The following FGF14 variants were observed in gnomAD, a reference collection of about 807,000 sequenced individuals.
The protein encoded by FGF14 is fibroblast growth factor 14.
A neutral mutation model predicts 25.5 loss-of-function variants in FGF14; 5 were observed. That is an observed-to-expected ratio of 0.20 (90% CI 0.10 to 0.41). The LOEUF is 0.41. Among genes scored for constraint, FGF14 ranks in the 10% least tolerant of loss-of-function variants. The pLI, the probability that FGF14 is intolerant of heterozygous loss-of-function variation, is 1.00. For synonymous variants in FGF14, 138 were observed against 118.3 expected, an observed-to-expected ratio of 1.17 and a Z score of -1.08; for missense variants, 222 against 320.1, an observed-to-expected ratio of 0.69 and a Z score of 2.34.
chr13:101,868,583 C>CT lies in FGF14; in HGVS notation c.408+141dup, dbSNP rs200264738. On this transcript the variant is annotated intron_variant, in intron 3 of 4. Transcript: ENST00000376143. ...CTAAACACTGGTGAATAATAAACAG[C>CT]TTCTAAGCATTCTCGCAAAGATCAA... The CT allele has an allele frequency of 0.014, 9,591 of 709,010 alleles. 91 individuals are homozygous for CT. The highest frequency in any genetic ancestry group is 0.02 in the Non-Finnish European group (7,532 of 382,568). The allele number at this position is 709,010 out of a possible 1,614,324, so 43.9% of individuals were successfully genotyped here.
chr13:102,387,738 T>C (rs2058338468), intron 1 of FGF14, among the ~76,000 whole-genome samples: 1 of 151,986 alleles, frequency 6.6e-6, no homozygotes, highest in Non-Finnish European at 1.5e-5. Context: ...TTTGAGAGTT[T>C]TTGGGTTTTT....
At chr13:102,106,589 AGGGAG>A (rs2044928200) in intron 1 of FGF14, among the ~76,000 whole-genome samples, 2 of 111,258 alleles carry the variant, frequency 1.8e-5, no homozygotes, top group South Asian at 6.7e-4. Flanking sequence ...AGAGGGAGGG[AGGGAG>A]GGAGGGAGGG....
chr13:101,862,470 G>A (rs770092804), intron 3 of FGF14, among the ~76,000 whole-genome samples: 1 of 151,618 alleles, frequency 6.6e-6, no homozygotes, highest in Non-Finnish European at 1.5e-5. Context: ...ATTTATTTCT[G>A]TTATCTAGCT....
intron 1 of FGF14, among the ~76,000 whole-genome samples, chr13:102,144,840 A>G (rs1002816340): frequency 6.6e-6 from 1 of 152,212 alleles, no homozygotes; most frequent in African/African-American, 2.4e-5. Flanking sequence ...CTAAAAGAAC[A>G]TCACATAAAC....
intron 1 of FGF14, chr13:102,394,234 G>A (rs982927063): frequency 9.2e-5 from 14 of 152,438 alleles, no homozygotes; most frequent in African/African-American, 3.4e-4. Flanking sequence ...CGGGTCCAGA[G>A]CTGGCGCCCG....
chr13:102,207,672 C>G (rs1046675897), intron 1 of FGF14, among the ~76,000 whole-genome samples: 3 of 141,572 alleles, frequency 2.1e-5, no homozygotes, highest in Non-Finnish European at 4.6e-5. Flanking sequence ...CCTAGAAGGT[C>G]TTTCAAACAT....
At chr13:102,078,396 C>T (rs2140182446) in intron 1 of FGF14, among the ~76,000 whole-genome samples, 1 of 152,146 alleles carries the variant, frequency 6.6e-6, no homozygotes, top group Non-Finnish European at 1.5e-5. Context: ...TAAAAATATA[C>T]AGTTTTATTT....
intron 1 of FGF14, among the ~76,000 whole-genome samples, chr13:102,330,567 C>T (rs2056603178): frequency 6.6e-6 from 1 of 152,190 alleles, no homozygotes. Context: ...TATATTCTTG[C>T]TCCTTCCAGT....
At chr13:102,102,032 A>G (rs2044687849) in intron 1 of FGF14, among the ~76,000 whole-genome samples, 1 of 152,112 alleles carries the variant, frequency 6.6e-6, no homozygotes, top group Admixed American at 6.6e-5. Context: ...ACACCCTGCA[A>G]GAGAAGGAAG....
At chr13:102,189,009 AGAAAGAATGAAAG>A (rs1366647021) in intron 1 of FGF14, among the ~76,000 whole-genome samples, 4,142 of 82,524 alleles carry the variant, frequency 0.05, 242 homozygotes, top group Admixed American at 0.058. Flanking sequence ...AGAAAGAAAG[AGAAAGAATGAAAG>A]AAGAAAAGAA....
chr13:102,246,353 G>A (rs1182939666), intron 1 of FGF14, among the ~76,000 whole-genome samples: 1 of 152,068 alleles, frequency 6.6e-6, no homozygotes, highest in Non-Finnish European at 1.5e-5. Context: ...TAACAAAGGA[G>A]AGCAAGCAAT....
intron 1 of FGF14, among the ~76,000 whole-genome samples, chr13:101,987,352 G>C (rs536251649): frequency 1.3e-5 from 2 of 152,084 alleles, no homozygotes; most frequent in South Asian, 2.1e-4. Flanking sequence ...TCAGCAGCCT[G>C]CCTTTTTCCA....
At chr13:102,078,485 A>T (rs2043467401) in intron 1 of FGF14, among the ~76,000 whole-genome samples, 1 of 152,184 alleles carries the variant, frequency 6.6e-6, no homozygotes, top group African/African-American at 2.4e-5. Flanking sequence ...TAAGTAAAAG[A>T]CTAAAAAGTG....
At chr13:101,761,703 A>G (rs2038040049) in intron 3 of FGF14, among the ~76,000 whole-genome samples, 1 of 152,202 alleles carries the variant, frequency 6.6e-6, no homozygotes. Flanking sequence ...ATCACTGTAC[A>G]CTATATATAA....
chr13:102,294,719 T>C (rs954501149), intron 1 of FGF14, among the ~76,000 whole-genome samples: 2 of 152,132 alleles, frequency 1.3e-5, no homozygotes, highest in African/African-American at 4.8e-5. Context: ...CTTCTGATAA[T>C]ATTAGTGAAA....
chr13:101,842,736 A>G (rs2043251387), intron 3 of FGF14, among the ~76,000 whole-genome samples: 1 of 152,008 alleles, frequency 6.6e-6, no homozygotes, highest in African/African-American at 2.4e-5. Context: ...AGCATCACTA[A>G]GCATGTTTCA....
intron 1 of FGF14, among the ~76,000 whole-genome samples, chr13:102,303,522 A>T (rs1403013820): frequency 6.6e-6 from 1 of 152,226 alleles, no homozygotes; most frequent in East Asian, 1.9e-4. Flanking sequence ...ATTTATATGA[A>T]TAATCAAATC....
At chr13:102,188,806 T>C (rs2048973730) in intron 1 of FGF14, among the ~76,000 whole-genome samples, 1 of 151,520 alleles carries the variant, frequency 6.6e-6, no homozygotes, top group East Asian at 1.9e-4. Flanking sequence ...CTGGGCATGG[T>C]GGCACATGGC....
chr13:101,855,287 C>CTTATG (rs2044068574), intron 3 of FGF14, among the ~76,000 whole-genome samples: 2 of 151,988 alleles, frequency 1.3e-5, no homozygotes, highest in Admixed American at 1.3e-4. Flanking sequence ...GCTGTTCTTA[C>CTTATG]TGTCACCATT....
Sources: allele counts gnomAD v4.1 joint callset (sites outside exome capture counted in the v4.1 genomes callset), GRCh38; gene constraint gnomAD v4.1.1; transcripts MANE v1.5; gene names NCBI Gene and HGNC (gene_info 2026-07-23, HGNC 2026-07-21).